The following PCDHGB2 variants were observed in gnomAD, a reference collection of about 807,000 sequenced individuals.
PCDHGB2 encodes protocadherin gamma subfamily B, 2, also known as protocadherin gamma-B2.
In PCDHGB2, 55 loss-of-function variants were observed where a neutral mutation model predicts 59.3. The observed-to-expected ratio is 0.93, with a 90% CI of 0.75 to 1.16. PCDHGB2 has a LOEUF of 1.16. PCDHGB2 is among the 50% of genes most tolerant of loss of function. PCDHGB2 has a pLI of 0.00. For synonymous variants in PCDHGB2, 516 were observed against 512.0 expected, an observed-to-expected ratio of 1.01 and a Z score of -0.11; for missense variants, 1,228 against 1,198.5, an observed-to-expected ratio of 1.02 and a Z score of -0.36.
chr5:141,414,909 C>G (rs1230113440), intron 1 of PCDHGB2: 4 of 1,614,220 alleles, frequency 2.5e-6, no homozygotes, highest in Non-Finnish European at 3.4e-6. Context: ...GTTCCACAGG[C>G]GTGGAGCTGG....
chr5:141,389,957 G>A (rs2091985321), intron 1 of PCDHGB2: 2 of 1,614,080 alleles, frequency 1.2e-6, no homozygotes, highest in Non-Finnish European at 1.7e-6. Flanking sequence ...TTTACCTAGT[G>A]GTGGCCTTGG....
Position 141,390,351 on chromosome 5 carries a change from C to T in PCDHGB2, c.2421+27795C>T, listed in dbSNP as rs1561631456. 5 of 1,558,898 alleles carry T rather than the reference C, an allele frequency of 3.2e-6. No homozygotes were observed. The Admixed American group carries it at 9.1e-5, about 28-fold the overall frequency. On this transcript the variant is annotated intron_variant, in intron 1 of 3. Transcript: ENST00000522605. ...TTCTCCATATTCACAAGAAAATATA[C>T]ATATTTGCAGGAAAATATATAATTT...
intron 1 of PCDHGB2, chr5:141,385,465 G>A: frequency 6.9e-7 from 1 of 1,441,910 alleles, no homozygotes; most frequent in Non-Finnish European, 9.1e-7. Flanking sequence ...TCCTTCAGTG[G>A]TGACACTTTA....
At chr5:141,510,353 C>T (rs74759939) in intron 3 of PCDHGB2, among the ~76,000 whole-genome samples, 2 of 146,504 alleles carry the variant, frequency 1.4e-5, no homozygotes, top group African/African-American at 5.0e-5. Context: ...CACTTACTAA[C>T]GGAACTACCG....
At position 141,476,716 on chromosome 5, in the gene PCDHGB2, C is replaced by G; in HGVS notation, c.2422-18091C>G. The G allele has an allele frequency of 6.2e-7, 1 of 1,614,148 alleles. No individual in the cohort carries two copies. On this transcript the variant is annotated intron_variant, in intron 1 of 3. Transcript: ENST00000522605. The surrounding 1 kb of genome is among the most constrained non-coding windows in gnomAD (Gnocchi z 7.6). The stretch of plus-strand genomic sequence containing the variant: ...AGTACGCGGAGCTGGTGTTGGAGCG[C>G]GCCCTGGACCGAGAACGGGAGCCTA...
At chr5:141,371,661 A>G (rs1767926487) in intron 1 of PCDHGB2, 2 of 1,614,044 alleles carry the variant, frequency 1.2e-6, no homozygotes, top group Admixed American at 1.7e-5. Context: ...TGTGACGATC[A>G]CAGCTACCGA....
At chr5:141,483,737 G>T (rs1052778197) in intron 1 of PCDHGB2, among the ~76,000 whole-genome samples, 1 of 152,102 alleles carries the variant, frequency 6.6e-6, no homozygotes, top group Admixed American at 6.5e-5. Flanking sequence ...TAGTCAAAAG[G>T]ATATTCCTGA....
At chr5:141,398,980 G>T in intron 1 of PCDHGB2, 1 of 1,613,860 alleles carries the variant, frequency 6.2e-7, no homozygotes, top group Non-Finnish European at 8.5e-7. Context: ...CTACAGAACC[G>T]GGCAAATCTT....
At chr5:141,492,933 A>G (rs935580560) in intron 1 of PCDHGB2, among the ~76,000 whole-genome samples, 3 of 152,194 alleles carry the variant, frequency 2.0e-5, no homozygotes, top group Admixed American at 6.5e-5. Flanking sequence ...CTAGGGTCAG[A>G]GATTTGGAGG....
intron 1 of PCDHGB2, chr5:141,478,265 G>C: frequency 1.2e-6 from 2 of 1,614,196 alleles, no homozygotes; most frequent in Non-Finnish European, 1.7e-6. Flanking sequence ...CATATTCAAA[G>C]TTTACAAGTG....
chr5:141,460,726 A>G lies in PCDHGB2; in HGVS notation c.2422-34081A>G, dbSNP rs545089217. ...GAGAATAAACTATTGTTATAAGCAT[A>G]TATACACATTGTATATATATGTGTA... On this transcript the variant is annotated intron_variant, in intron 1 of 3. Coordinates refer to ENST00000522605, the MANE Select transcript of PCDHGB2 (RefSeq NM_018923.3). Among the ~76,000 whole-genome samples the G allele has an allele frequency of 6.6e-5, 10 of 152,252 alleles. No homozygotes were observed. In the East Asian group the frequency reaches 1.9e-3, roughly 29 times the overall value.
chr5:141,500,184 T>TTTTTTTTATTTA (rs1554186429), intron 2 of PCDHGB2, among the ~76,000 whole-genome samples: 16 of 135,886 alleles, frequency 1.2e-4, no homozygotes, highest in African/African-American at 4.3e-4. Context: ...TCATTTTTAT[T>TTTTTTTTATTTA]TTTATTTATT....
chr5:141,370,814 G>T, intron 1 of PCDHGB2: 1 of 1,614,024 alleles, frequency 6.2e-7, no homozygotes, highest in Non-Finnish European at 8.5e-7. Flanking sequence ...TCACTGAGCT[G>T]GAAATCAGCG....
intron 1 of PCDHGB2, chr5:141,371,743 C>G: frequency 6.2e-7 from 1 of 1,614,054 alleles, no homozygotes; most frequent in South Asian, 1.1e-5. Flanking sequence ...GACAACGTTC[C>G]CGTTTTCCAC....
chr5:141,392,568 T>A (rs2092555063), intron 1 of PCDHGB2: 4 of 442,486 alleles, frequency 9.0e-6, no homozygotes, highest in Non-Finnish European at 1.2e-5. Context: ...CAGTAACTAT[T>A]TAGGACTGTA....
At chr5:141,478,862 C>A in intron 1 of PCDHGB2, 1 of 1,326,032 alleles carries the variant, frequency 7.5e-7, no homozygotes, top group Non-Finnish European at 1.0e-6. Context: ...AAGATCTCAG[C>A]GATCAGAGTT....
At chr5:141,372,125 G>A in intron 1 of PCDHGB2, 2 of 1,613,718 alleles carry the variant, frequency 1.2e-6, no homozygotes, top group East Asian at 2.2e-5. Context: ...TCTTCGATAT[G>A]GTGCCGCGCT....
chr5:141,427,087 A>T, intron 1 of PCDHGB2: 1 of 458,198 alleles, frequency 2.2e-6, no homozygotes, highest in Non-Finnish European at 4.4e-6. Flanking sequence ...ACTGACCAGG[A>T]TGAGGGTGTC....
intron 1 of PCDHGB2, chr5:141,392,909 C>T: frequency 1.2e-6 from 2 of 1,613,876 alleles, no homozygotes; most frequent in Admixed American, 3.3e-5. Flanking sequence ...GACAGATTCG[C>T]TACTCTGTGC....
Sources: allele counts gnomAD v4.1 joint callset (sites outside exome capture counted in the v4.1 genomes callset), GRCh38; gene constraint gnomAD v4.1.1; non-coding constraint Gnocchi (gnomAD v3.1); transcripts MANE v1.5; gene names NCBI Gene and HGNC (gene_info 2026-07-23, HGNC 2026-07-21).